The following PPP2R2B variants were observed in gnomAD, a reference collection of about 807,000 sequenced individuals.
PPP2R2B encodes protein phosphatase 2 regulatory subunit Bbeta.
In PPP2R2B, 5 loss-of-function variants were observed where a neutral mutation model predicts 46.0. The ratio of observed to expected loss-of-function variants is 0.11; its 90% CI spans 0.06 to 0.23. The LOEUF (loss-of-function observed/expected upper bound fraction) is 0.23. Among genes scored for constraint, PPP2R2B ranks in the 10% least tolerant of loss-of-function variants. The pLI is 1.00. For missense variants in PPP2R2B, 367 were observed against 575.0 expected (o/e 0.64, Z 3.70); for synonymous variants, 215 against 206.7 (o/e 1.04, Z -0.34).
chr5:147,030,552 T>C (rs1755733137), intron 1 of PPP2R2B, among the ~76,000 whole-genome samples: 2 of 152,164 alleles, frequency 1.3e-5, no homozygotes, highest in African/African-American at 4.8e-5. Flanking sequence ...CTACCATAGG[T>C]TTATTTGTTT....
At chr5:146,696,078 C>T (rs886671729) in intron 4 of PPP2R2B, among the ~76,000 whole-genome samples, 16 of 151,816 alleles carry the variant, frequency 1.1e-4, no homozygotes, top group Admixed American at 9.9e-4. Flanking sequence ...CCCATCCCCC[C>T]GCCAACAAAG....
At chr5:146,677,673 G>A (rs1309073712) in intron 5 of PPP2R2B, among the ~76,000 whole-genome samples, 1 of 151,814 alleles carries the variant, frequency 6.6e-6, no homozygotes, top group Non-Finnish European at 1.5e-5. Flanking sequence ...GACTGCAAGT[G>A]TGCACCACCA....
chr5:146,619,071 A>G (rs1189483364), intron 7 of PPP2R2B, among the ~76,000 whole-genome samples: 1 of 152,138 alleles, frequency 6.6e-6, no homozygotes, highest in Admixed American at 6.5e-5. Context: ...TTCTGCTGAA[A>G]TGCTCCATTG....
At chr5:146,952,783 A>G (rs554842393) in intron 1 of PPP2R2B, among the ~76,000 whole-genome samples, 2 of 152,236 alleles carry the variant, frequency 1.3e-5, no homozygotes, top group South Asian at 2.1e-4. Flanking sequence ...AGGTCAGTGG[A>G]AAGTGTGAGC....
intron 1 of PPP2R2B, among the ~76,000 whole-genome samples, chr5:147,023,206 G>C (rs1413303587): frequency 6.6e-6 from 1 of 152,082 alleles, no homozygotes. Context: ...TACGTAAGTG[G>C]AATAATATGC....
intron 2 of PPP2R2B, among the ~76,000 whole-genome samples, chr5:146,737,358 GA>G (rs552849354): frequency 1.1e-3 from 161 of 152,308 alleles, no homozygotes; most frequent in African/African-American, 3.7e-3. Context: ...AGCTTTCCAA[GA>G]AAACATCGTT....
intron 2 of PPP2R2B, among the ~76,000 whole-genome samples, chr5:146,717,439 T>C (rs1014559899): frequency 1.3e-5 from 2 of 152,202 alleles, no homozygotes; most frequent in African/African-American, 4.8e-5. Flanking sequence ...ACACACACCA[T>C]AGCAGGTTTC....
chr5:147,035,069 A>G, intron 1 of PPP2R2B: 1 of 455,254 alleles, frequency 2.2e-6, no homozygotes, highest in South Asian at 1.6e-5. Flanking sequence ...ATTTAACATC[A>G]TTCCCAGAAG....
intron 1 of PPP2R2B, among the ~76,000 whole-genome samples, chr5:146,919,001 C>T (rs574549830): frequency 1.5e-4 from 23 of 152,230 alleles, no homozygotes; most frequent in African/African-American, 4.3e-4. Flanking sequence ...ATGCCTGACA[C>T]GAGTAGACTT....
chr5:147,069,783 C>CTTTTTTTTTTTTTTTTTTTTTT (rs1561611794), intron 2 of PPP2R2B, among the ~76,000 whole-genome samples: 1 of 48,436 alleles, frequency 2.1e-5, no homozygotes, highest in African/African-American at 8.9e-5. Flanking sequence ...ACATTTTATA[C>CTTTTTTTTTTTTTTTTTTTTTT]TGTTTTTTTT....
chr5:146,661,518 G>A lies in PPP2R2B; in HGVS notation c.448-10794C>T, dbSNP rs896036479. On this transcript the variant is annotated intron_variant, in intron 5 of 9. Transcript: ENST00000394411. ...TCAAAGACATATAAAATATATATTTGAAAGACTTATCCCCTATGGCCAGCT... is the reference window on the plus strand; with the variant it reads ...TCAAAGACATATAAAATATATATTTAAAAGACTTATCCCCTATGGCCAGCT... Among the ~76,000 whole-genome samples, 8 of 152,066 alleles carry A rather than the reference G, an allele frequency of 5.3e-5. No individual in the cohort carries two copies. The East Asian group carries it at 1.5e-3, about 29-fold the overall frequency.
intron 1 of PPP2R2B, among the ~76,000 whole-genome samples, chr5:146,917,208 C>T (rs1224961960): frequency 1.3e-5 from 2 of 152,008 alleles, no homozygotes; most frequent in Non-Finnish European, 2.9e-5. Flanking sequence ...CTGTAATAAC[C>T]AGCGACATGG....
intron 1 of PPP2R2B, among the ~76,000 whole-genome samples, chr5:146,979,475 G>A (rs556729974): frequency 9.9e-5 from 15 of 151,746 alleles, no homozygotes; most frequent in African/African-American, 3.4e-4. Flanking sequence ...AGTAGTACCT[G>A]CCACATAGTA....
chr5:146,803,904 A>C (rs1455643348), intron 2 of PPP2R2B, among the ~76,000 whole-genome samples: 1 of 152,218 alleles, frequency 6.6e-6, no homozygotes, highest in African/African-American at 2.4e-5. Flanking sequence ...ACGGTGGCTC[A>C]TGCCTGTAAT....
intron 2 of PPP2R2B, among the ~76,000 whole-genome samples, chr5:146,817,997 T>C (rs1318506719): frequency 6.6e-6 from 1 of 152,246 alleles, no homozygotes; most frequent in Non-Finnish European, 1.5e-5. Context: ...TATGCTGTTT[T>C]GTCTGCCTGG....
intron 7 of PPP2R2B, among the ~76,000 whole-genome samples, chr5:146,634,049 T>C (rs1214045075): frequency 2.0e-5 from 3 of 152,248 alleles, no homozygotes; most frequent in Non-Finnish European, 4.4e-5. Context: ...AGCCATGGGC[T>C]GCCCAGATAT....
chr5:146,695,087 G>T (rs1020952657), intron 4 of PPP2R2B, among the ~76,000 whole-genome samples: 1 of 151,960 alleles, frequency 6.6e-6, no homozygotes, highest in Non-Finnish European at 1.5e-5. Context: ...TGATATTTTA[G>T]AATATTTAAC....
intron 1 of PPP2R2B, among the ~76,000 whole-genome samples, chr5:147,009,100 A>G (rs1754592429): frequency 6.6e-6 from 1 of 152,162 alleles, no homozygotes; most frequent in African/African-American, 2.4e-5. Flanking sequence ...TGCTTTTATT[A>G]CCTGCTGGAG....
intron 2 of PPP2R2B, among the ~76,000 whole-genome samples, chr5:146,861,029 T>C (rs924164724): frequency 3.3e-5 from 5 of 151,766 alleles, no homozygotes; most frequent in African/African-American, 9.7e-5. Context: ...ATCACTCCTC[T>C]TCCAGCATTC....
Sources: gnomAD v4.1 joint callset for allele counts (sites outside exome capture counted in the v4.1 genomes callset) on GRCh38, gnomAD v4.1.1 for gene constraint, MANE v1.5 for transcripts, NCBI Gene and HGNC (gene_info 2026-07-23, HGNC 2026-07-21) for gene names.